DHX9: variants seen among roughly 807,000 people sequenced by gnomAD.
DHX9 encodes DExH-box helicase 9, also known as ATP-dependent RNA helicase A.
In DHX9, 27 loss-of-function variants were observed where a neutral mutation model predicts 148.7. The ratio of observed to expected loss-of-function variants is 0.18; its 90% CI spans 0.13 to 0.25. The LOEUF is 0.25. DHX9 is among the 10% of genes least tolerant of loss of function. The pLI, the probability that DHX9 is intolerant of heterozygous loss-of-function variation, is 1.00. For missense variants in DHX9, 796 were observed against 1,559.6 expected, an observed-to-expected ratio of 0.51 and a Z score of 8.25; for synonymous variants, 529 against 516.6, an observed-to-expected ratio of 1.02 and a Z score of -0.33.
At chr1:182,859,875 A>G in intron 11 of DHX9, 118 bp from the exon 12 acceptor site, 1 of 921,644 alleles carries the variant, frequency 1.1e-6, no homozygotes, top group Non-Finnish European at 1.6e-6. Context: ...AAGTGCTGGG[A>G]TTACAGGCGT....
intron 24 of DHX9, among the ~76,000 whole-genome samples, chr1:182,882,268 G>C (rs886105592): frequency 2.0e-5 from 3 of 152,196 alleles, no homozygotes; most frequent in Non-Finnish European, 4.4e-5. Context: ...TAATGAAACA[G>C]GCACCAAGGT....
Position 182,884,654 on chromosome 1 carries a change from C to G in DHX9, c.3302C>G (p.Thr1101Ser), listed in dbSNP as rs905935967. The change falls in exon 27 of 28, where the codon ACT (threonine) becomes AGT (serine). Residue 1101 changes from threonine (T) to serine (S), a missense_variant. Coordinates refer to ENST00000367549, the MANE Select transcript of DHX9 (RefSeq NM_001357.5). ...QISHEAAACI[T>S]GLRAAMEALV... is the part of the protein sequence containing the mutation. ...TCTCATGAAGCTGCTGCCTGTATCA[C>G]TGGTCTCCGGGCAGCCATGGAGGCT... 3 of 1,614,084 alleles carry G rather than the reference C, an allele frequency of 1.9e-6. No homozygotes were observed. In the African/African-American group the frequency reaches 4.0e-5, roughly 22 times the overall value.
intron 13 of DHX9, 31 bp from the exon 14 acceptor site, chr1:182,866,930 C>G (rs369574648): frequency 2.6e-6 from 4 of 1,562,568 alleles, no homozygotes; most frequent in South Asian, 1.2e-5. Flanking sequence ...TTGAACTTTT[C>G]TATAGTTTAT....
In DHX9 at chr1:182,852,290, G is replaced by A; in HGVS notation, c.310G>A (p.Asp104Asn). The change falls in exon 4 of 28, where the codon GAT (aspartate) becomes AAT (asparagine). Residue 104 changes from aspartate (D) to asparagine (N), a missense_variant. This residue lies in a region of DHX9 where 89 missense variants were observed against 77.5 expected (regional missense o/e 1.15). Transcript: ENST00000367549. ...TPDTTANAEG[D>N]LPTTMGGPLP... ...TGACACTACAGCAAATGCTGAAGGAGATTTACCAACAACCATGGGAGGACC... is the reference window on the plus strand; with the variant it reads ...TGACACTACAGCAAATGCTGAAGGAAATTTACCAACAACCATGGGAGGACC... 6.8e-6 allele frequency: 11 copies of A among 1,613,154 alleles called. No individual in the cohort carries two copies. The highest frequency in any genetic ancestry group is 1.3e-5 in the African/African-American group (1 of 75,000).
rs573531890 is a variant in DHX9 at position 182,858,284 on chromosome 1, C to A, written c.810+44C>A. 1.0e-5 allele frequency: 16 copies of A among 1,586,264 alleles called. No homozygotes were observed. The African/African-American group carries it at 1.8e-4, about 17-fold the overall frequency. ...TAGACTTGTGAGATAGTGTGAGATTCAATTTAGCTCTTGTTTAGTGTTTGG... is the reference window on the plus strand; with the variant it reads ...TAGACTTGTGAGATAGTGTGAGATTAAATTTAGCTCTTGTTTAGTGTTTGG... On this transcript the variant is annotated intron_variant, in intron 8 of 27. Transcript: ENST00000367549.
At chr1:182,878,232 A>T (rs1351108186) in intron 20 of DHX9, 59 bp downstream of exon 20, 136 of 1,585,774 alleles carry the variant, frequency 8.6e-5, no homozygotes, top group Non-Finnish European at 1.2e-4. Flanking sequence ...GTAGGGACAG[A>T]TGTGTGCAGT....
intron 3 of DHX9, 47 bp from the exon 4 acceptor site, chr1:182,852,186 C>G (rs369726952): frequency 7.0e-5 from 91 of 1,305,796 alleles, no homozygotes; most frequent in Non-Finnish European, 7.6e-5. Context: ...TACTAGTCCC[C>G]GTGAAGGCAA....
At chr1:182,884,548 G>T in intron 26 of DHX9, 65 bp from the exon 27 acceptor site, 1 of 1,368,782 alleles carries the variant, frequency 7.3e-7, no homozygotes, top group Non-Finnish European at 1.0e-6. Flanking sequence ...GTGTGAAGTT[G>T]AGAGATAATG....
At chr1:182,881,911 A>G (rs1053329504) in intron 24 of DHX9, among the ~76,000 whole-genome samples, 9 of 152,228 alleles carry the variant, frequency 5.9e-5, no homozygotes, top group Admixed American at 3.9e-4. Context: ...ACTTTAATTT[A>G]TACTTTCGGT....
Position 182,858,728 on chromosome 1 carries a change from A to G in DHX9, c.901-5A>G. On this transcript the variant is annotated splice_polypyrimidine_tract_variant and splice_region_variant and intron_variant, in intron 9 of 27. Coordinates refer to ENST00000367549, the MANE Select transcript of DHX9 (RefSeq NM_001357.5). ...TTTTTGTTTGTTTTTCTTATTTTTT[A>G]ATAGCCTGAAGATCCTTCTGTGCCA... The G allele has an allele frequency of 6.2e-7, 1 of 1,613,456 alleles. No homozygotes were observed. Among genetic ancestry groups the G allele is most frequent in the Non-Finnish European group, 8.5e-7 (1 of 1,179,730 alleles).
intron 11 of DHX9, 64 bp downstream of exon 11, chr1:182,859,181 A>G: frequency 6.9e-7 from 1 of 1,450,414 alleles, no homozygotes; most frequent in African/African-American, 1.4e-5. Flanking sequence ...TATGGGTAAA[A>G]AGTCAATGAG....
chr1:182,849,988 C>G (rs1180303913), intron 3 of DHX9, among the ~76,000 whole-genome samples: 17 of 148,144 alleles, frequency 1.1e-4, no homozygotes, highest in African/African-American at 7.6e-5. Context: ...ACGTACCCCC[C>G]CCCCTTTTTT....
chr1:182,883,217 G>A lies in DHX9; in HGVS notation c.2993G>A (p.Gly998Asp). Residue 998 changes from glycine (G) to aspartate (D), a missense_variant, in exon 25 of 28, where the codon GGT becomes GAT. This residue lies in a region of DHX9 where 122 missense variants were observed against 289.3 expected (regional missense o/e 0.42). Coordinates refer to ENST00000367549, the MANE Select transcript of DHX9 (RefSeq NM_001357.5). Reference protein sequence around the residue: ...LDVVISLLAFGVYPNVCYHKE... With the variant: ...LDVVISLLAFDVYPNVCYHKE... ...GTTGTTATCTCCCTCCTGGCCTTTG[G>A]TGTGTACCCCAATGTATGCTATCAT... is the stretch of plus-strand genomic sequence containing the variant. The A allele has an allele frequency of 6.2e-7, 1 of 1,614,102 alleles. No individual in the cohort carries two copies. The highest frequency in any genetic ancestry group is 8.5e-7 in the Non-Finnish European group (1 of 1,179,994).
chr1:182,842,527 T>G lies in DHX9; in HGVS notation c.-22-18T>G, dbSNP rs1223888628. ...TGCTATTATAAATGCTGTTTTTAAC[T>G]GACTTTTGTTTTCTTAGATCTGAAG... is the stretch of plus-strand genomic sequence containing the variant. On this transcript the variant is annotated intron_variant, in intron 1 of 27. Coordinates refer to ENST00000367549, the MANE Select transcript of DHX9 (RefSeq NM_001357.5). 9 of 1,500,720 alleles carry G rather than the reference T, an allele frequency of 6.0e-6. No homozygotes were observed. Among genetic ancestry groups the G allele is most frequent in the Non-Finnish European group, 8.2e-6 (9 of 1,092,350 alleles). The allele number at this position is 1,500,720 out of a possible 1,614,324, so 93.0% of individuals were successfully genotyped here. A position where few individuals can be genotyped will look rare whatever the true frequency, so the allele number is the denominator to read the frequency against.
intron 12 of DHX9, 187 bp downstream of exon 12, chr1:182,860,371 A>G (rs1219980092): frequency 4.7e-6 from 2 of 422,924 alleles, no homozygotes; most frequent in African/African-American, 2.1e-5. Context: ...CTAATAAGCT[A>G]AACTGGACTA....
At chr1:182,874,627 G>A (rs2102614720) in intron 15 of DHX9, among the ~76,000 whole-genome samples, 1 of 152,242 alleles carries the variant, frequency 6.6e-6, no homozygotes, top group African/African-American at 2.4e-5. Flanking sequence ...AACTGGCTCT[G>A]GGAACATGTA....
intron 6 of DHX9, chr1:182,855,593 T>C: frequency 1.0e-6 from 1 of 985,420 alleles, no homozygotes; most frequent in Non-Finnish European, 1.2e-6. Flanking sequence ...GAGAATGAGA[T>C]TGAGTGCTGA....
At chr1:182,847,619 C>T (rs10911148) in intron 3 of DHX9, among the ~76,000 whole-genome samples, 4,985 of 152,230 alleles carry the variant, frequency 0.033, 194 homozygotes, top group African/African-American at 0.089. Flanking sequence ...TGTTTCCTTT[C>T]CAGCATTCCC....
chr1:182,854,770 G>C (rs1435635302), intron 6 of DHX9, among the ~76,000 whole-genome samples: 4 of 152,090 alleles, frequency 2.6e-5, no homozygotes, highest in Non-Finnish European at 5.9e-5. Flanking sequence ...CAATATAAAG[G>C]GAGGTCATTT....
Sources: gnomAD v4.1 joint callset for allele counts (sites outside exome capture counted in the v4.1 genomes callset) on GRCh38, gnomAD v4.1.1 for gene constraint, gnomAD v4.1.1 regional missense constraint, MANE v1.5 for transcripts, NCBI Gene and HGNC (gene_info 2026-07-23, HGNC 2026-07-21) for gene names.